MYH16: variants seen among roughly 807,000 people sequenced by gnomAD.
MYH16 encodes the protein myosin heavy chain 16, also known as putative uncharacterized protein MYH16.
chr7:99,303,886 C>G (rs907153034), intron 39 of MYH16, among the ~76,000 whole-genome samples: 1 of 152,060 alleles, frequency 6.6e-6, no homozygotes, highest in South Asian at 2.1e-4. Flanking sequence ...AGCCCAGGGA[C>G]GCAGAGGAGG....
At chr7:99,250,104 C>T (rs1180434506) in intron 5 of MYH16, 3 of 152,726 alleles carry the variant, frequency 2.0e-5, no homozygotes, top group African/African-American at 4.8e-5. Context: ...GCCCATATTT[C>T]CCGTCTTCAG....
At chr7:99,292,427 A>G (rs1446043715) in exon 32 of MYH16, 1 of 459,398 alleles carries the variant, frequency 2.2e-6, no homozygotes, top group Non-Finnish European at 4.4e-6. Context: ...CTCGTGTCCA[A>G]ACTCAACACT....
At chr7:99,309,232 C>T (rs1395061304), downstream of MYH16, among the ~76,000 whole-genome samples, 2 of 152,212 alleles carry the variant, frequency 1.3e-5, no homozygotes, top group South Asian at 2.1e-4. Context: ...CCCTAAGCAC[C>T]GACCTCCGTG....
At chr7:99,302,252 C>T (rs1792604469) in intron 38 of MYH16, among the ~76,000 whole-genome samples, 1 of 147,304 alleles carries the variant, frequency 6.8e-6, no homozygotes, top group Admixed American at 6.9e-5. Context: ...TGCAGTGAGC[C>T]AAGATCATGC....
At chr7:99,257,801 C>A (rs116080332) in intron 10 of MYH16, among the ~76,000 whole-genome samples, 2,114 of 152,198 alleles carry the variant, frequency 0.014, 53 homozygotes, top group African/African-American at 0.049. Context: ...TGCACGCCAC[C>A]ACGCCTGGCT....
In MYH16 at chr7:99,267,582, A is replaced by G. The variant is rs10248906; in HGVS notation, n.2266+608A>G. Among the ~76,000 whole-genome samples the G allele has an allele frequency of 7.0e-3, 1,060 of 152,340 alleles. 13 individuals carry two copies. Among genetic ancestry groups the G allele is most frequent in the African/African-American group, 0.024 (995 of 41,582 alleles). ...GGGCCAATGAGAATCAAGGTCATGG[A>G]TCTGGCCCGTGGGGAAGTTTGCTTG... On this transcript the variant is annotated intron_variant and non_coding_transcript_variant, in intron 18 of 41. Transcript: ENST00000439784.
At chr7:99,264,939 C>T (rs773982646) in intron 15 of MYH16, among the ~76,000 whole-genome samples, 5 of 152,192 alleles carry the variant, frequency 3.3e-5, no homozygotes, top group African/African-American at 7.2e-5. Flanking sequence ...AATGATGAAA[C>T]GTTCTCTTCT....
At chr7:99,260,338 A>G in intron 12 of MYH16, 3 of 1,272,014 alleles carry the variant, frequency 2.4e-6, no homozygotes, top group Non-Finnish European at 2.3e-6. Flanking sequence ...GGAAAAGGTG[A>G]CTTGCTTCTC....
exon 33 of MYH16, chr7:99,294,082 GCCTC>G: frequency 2.2e-6 from 1 of 455,906 alleles, no homozygotes; most frequent in African/African-American, 2.0e-5. Flanking sequence ...GGCCCGGGCC[GCCTC>G]CCTCGAGAAA....
At chr7:99,308,830 G>A (rs547662865), downstream of MYH16, among the ~76,000 whole-genome samples, 33 of 152,262 alleles carry the variant, frequency 2.2e-4, 1 homozygote, top group South Asian at 4.8e-3. Context: ...AGTGTCTCAC[G>A]CCTCTAATCC....
At chr7:99,293,030 C>A (rs1792414092) in intron 32 of MYH16, among the ~76,000 whole-genome samples, 1 of 151,832 alleles carries the variant, frequency 6.6e-6, no homozygotes. Context: ...TGGCTCTGGG[C>A]CTCTCTCTGG....
intron 18 of MYH16, among the ~76,000 whole-genome samples, chr7:99,269,865 C>CTTTTTTT (rs983455403): frequency 9.3e-6 from 1 of 107,702 alleles, no homozygotes; most frequent in Non-Finnish European, 1.8e-5. Context: ...TCTGGGGACA[C>CTTTTTTT]TTTTTTTTTT....
intron 2 of MYH16, among the ~76,000 whole-genome samples, chr7:99,244,388 A>C (rs1447042564): frequency 6.6e-6 from 1 of 152,254 alleles, no homozygotes; most frequent in Non-Finnish European, 1.5e-5. Flanking sequence ...TAAGACAGAA[A>C]GATGATTTCC....
downstream of MYH16, chr7:99,310,957 AG>A (rs1421863331): frequency 3.3e-5 from 5 of 152,212 alleles, no homozygotes; most frequent in Admixed American, 3.3e-4. Flanking sequence ...AACGGCAGTA[AG>A]CATTTGGATG....
At chr7:99,298,919 T>C (rs1792546016) in intron 36 of MYH16, among the ~76,000 whole-genome samples, 1 of 152,102 alleles carries the variant, frequency 6.6e-6, no homozygotes, top group Non-Finnish European at 1.5e-5. Context: ...AAAGTATCCG[T>C]TGAAGCATAA....
chr7:99,283,006 A>G (rs147698208), intron 23 of MYH16, among the ~76,000 whole-genome samples: 37 of 152,308 alleles, frequency 2.4e-4, no homozygotes, highest in Admixed American at 6.5e-4. Flanking sequence ...TGTCCAGAGC[A>G]AAATGGGATG....
intron 32 of MYH16, among the ~76,000 whole-genome samples, chr7:99,293,307 A>G (rs1245918756): frequency 6.6e-6 from 1 of 152,162 alleles, no homozygotes; most frequent in Non-Finnish European, 1.5e-5. Flanking sequence ...GGTCCCATCC[A>G]TCCACTGAAA....
chr7:99,261,109 G>C (rs1791933601), intron 12 of MYH16: 1 of 151,994 alleles, frequency 6.6e-6, no homozygotes, highest in African/African-American at 2.4e-5. Flanking sequence ...AGAGAGCACA[G>C]GTGGCATTGA....
chr7:99,246,437 C>T (rs1426804493), intron 2 of MYH16, among the ~76,000 whole-genome samples: 2 of 152,108 alleles, frequency 1.3e-5, no homozygotes, highest in African/African-American at 4.8e-5. Context: ...CGCAGTGGCT[C>T]ACACCTGTGA....
Sources: gnomAD v4.1 joint callset for allele counts (sites outside exome capture counted in the v4.1 genomes callset) on GRCh38, gnomAD v4.1.1 for gene constraint, MANE v1.5 for transcripts, NCBI Gene and HGNC (gene_info 2026-07-23, HGNC 2026-07-21) for gene names.